Variants in SEMA6D observed in about 807,000 individuals in gnomAD.
The protein encoded by SEMA6D is semaphorin 6D, also known as semaphorin-6D.
In SEMA6D, 35 loss-of-function variants were observed where a neutral mutation model predicts 106.6. The ratio of observed to expected loss-of-function variants is 0.33; its 90% confidence interval spans 0.25 to 0.44. The LOEUF (loss-of-function observed/expected upper bound fraction) is 0.44, where lower values mean the gene tolerates loss of function less well. Ranked by LOEUF, SEMA6D falls within the 20% of genes least tolerant of loss-of-function variation. The pLI is 1.00. For synonymous variants in SEMA6D, 499 were observed against 487.7 expected (o/e 1.02, Z -0.31); for missense variants, 1,185 against 1,345.9 (o/e 0.88, Z 1.87).
intron 1 of SEMA6D, among the ~76,000 whole-genome samples, chr15:47,723,120 G>C (rs544061326): frequency 1.3e-5 from 2 of 152,166 alleles, no homozygotes; most frequent in East Asian, 1.9e-4. Context: ...CAATGAAAAA[G>C]TCATGTTTTG....
chr15:47,255,593 T>A (rs2033764539), intron 1 of SEMA6D, among the ~76,000 whole-genome samples: 1 of 152,132 alleles, frequency 6.6e-6, no homozygotes, highest in South Asian at 2.1e-4. Context: ...TTAGTCATCA[T>A]ATATGTGTGT....
At chr15:47,401,438 A>G (rs1197570828) in intron 1 of SEMA6D, among the ~76,000 whole-genome samples, 4 of 152,180 alleles carry the variant, frequency 2.6e-5, no homozygotes, top group African/African-American at 4.8e-5. Flanking sequence ...GCTCTTTAAA[A>G]TTATCTACAA....
At position 47,381,951 on chromosome 15, in the gene SEMA6D, C is replaced by G. The variant is rs566447580; in HGVS notation, c.-238-30442C>G. 3.3e-5 allele frequency among the ~76,000 whole-genome samples: 5 copies of G among 152,164 alleles called. No individual in the cohort carries two copies. The East Asian group carries it at 9.7e-4, about 30-fold the overall frequency. ...GATATGTTGAATATTTAGTCTGAGTCAGAGTCTGTATTGGGTTTAGGGAGG... is the reference window on the plus strand; with the variant it reads ...GATATGTTGAATATTTAGTCTGAGTGAGAGTCTGTATTGGGTTTAGGGAGG... On this transcript the variant is annotated intron_variant, in intron 1 of 19. Transcript: ENST00000558014.
intron 3 of SEMA6D, among the ~76,000 whole-genome samples, chr15:47,481,253 T>C (rs1037666724): frequency 5.9e-5 from 9 of 152,008 alleles, no homozygotes; most frequent in African/African-American, 1.9e-4. Context: ...AGCCACAAAC[T>C]CTCCCAGTTG....
Position 47,400,180 on chromosome 15 carries a change from C to T in SEMA6D, c.-238-12213C>T, listed in dbSNP as rs1036442194. 5.9e-5 allele frequency among the ~76,000 whole-genome samples: 9 copies of T among 152,136 alleles called. No individual in the cohort carries two copies. In the South Asian group the frequency reaches 1.2e-3, roughly 21 times the overall value. On this transcript the variant is annotated intron_variant, in intron 1 of 19. Coordinates refer to the SEMA6D transcript ENST00000558014. ...CAGAGCAGCAAAAGCTACTTCCCAG[C>T]GAACACACTGTAGAAATCCTTCCTG...
At chr15:47,768,402 G>C (rs1347787909) in intron 17 of SEMA6D, among the ~76,000 whole-genome samples, 179 bp from the exon 18 acceptor site, 1 of 151,914 alleles carries the variant, frequency 6.6e-6, no homozygotes, top group African/African-American at 2.4e-5. Flanking sequence ...TTAATTTTTA[G>C]TTTTCATTCT....
At chr15:47,596,362 G>A (rs57389656) in intron 3 of SEMA6D, among the ~76,000 whole-genome samples, 26,369 of 151,882 alleles carry the variant, frequency 0.17, 2,643 homozygotes, top group African/African-American at 0.26. Flanking sequence ...ACTACTCAAA[G>A]CAATATATAG....
intron 4 of SEMA6D, among the ~76,000 whole-genome samples, chr15:47,664,843 A>G (rs1299685523): frequency 6.6e-6 from 1 of 152,180 alleles, no homozygotes. Context: ...TCAACTCTGC[A>G]TGCAGTTCAT....
intron 1 of SEMA6D, among the ~76,000 whole-genome samples, chr15:47,189,754 C>G (rs1238794279): frequency 6.6e-6 from 1 of 152,170 alleles, no homozygotes; most frequent in Non-Finnish European, 1.5e-5. Context: ...CTGAAACGAA[C>G]TATCAAACAG....
intron 4 of SEMA6D, among the ~76,000 whole-genome samples, chr15:47,669,624 C>G (rs1367338977): frequency 6.6e-6 from 1 of 152,198 alleles, no homozygotes; most frequent in African/African-American, 2.4e-5. Context: ...ATTTCACTTT[C>G]AAAAGATGAC....
intron 3 of SEMA6D, among the ~76,000 whole-genome samples, chr15:47,578,990 G>A (rs1413224644): frequency 1.3e-5 from 2 of 152,146 alleles, no homozygotes; most frequent in African/African-American, 2.4e-5. Context: ...TATTCTCCCT[G>A]TTGTGTTTTG....
rs866772704 is a variant in SEMA6D at position 47,494,616 on chromosome 15, C to T, written c.-87+24071C>T. On this transcript the variant is annotated intron_variant, in intron 3 of 19. Coordinates refer to the SEMA6D transcript ENST00000558014. ...TGAATAGTTATTATAATGTATTTAG[C>T]ATGATGAACAGTTGCTGAAGGATTT... 2.0e-5 allele frequency among the ~76,000 whole-genome samples: 3 copies of T among 150,474 alleles called. No homozygotes were observed. The South Asian group carries it at 6.3e-4, about 32-fold the overall frequency.
intron 4 of SEMA6D, among the ~76,000 whole-genome samples, chr15:47,614,180 A>G (rs1356216336): frequency 6.6e-5 from 10 of 152,210 alleles, no homozygotes; most frequent in Non-Finnish European, 1.3e-4. Context: ...GGTGAAAAAA[A>G]GAAACACACA....
chr15:47,537,102 G>C (rs960365591), intron 3 of SEMA6D, among the ~76,000 whole-genome samples: 3 of 152,118 alleles, frequency 2.0e-5, no homozygotes, highest in African/African-American at 7.2e-5. Flanking sequence ...AGGAAATACT[G>C]GTTATGACAA....
At chr15:47,440,991 T>TC (rs2041865113) in intron 2 of SEMA6D, among the ~76,000 whole-genome samples, 1 of 152,224 alleles carries the variant, frequency 6.6e-6, no homozygotes, top group South Asian at 2.1e-4. Flanking sequence ...TGTAACTTGC[T>TC]CCTTCTTCCT....
In SEMA6D at chr15:47,763,069, C is replaced by T. The variant is rs772001338; in HGVS notation, c.712C>T (p.Arg238Ter). Reference sequence around the variant, plus strand: ...TGGAAACTATGTCTATTTCTTCTTTCGAGAAATCGCTGTCGAACATAATAA... The same window carrying T: ...TGGAAACTATGTCTATTTCTTCTTTTGAGAAATCGCTGTCGAACATAATAA... Reference protein sequence around the residue: ...EYGNYVYFFFREIAVEHNNLG... With the variant: ...EYGNYVYFFF The change falls in exon 9 of 19, where the codon CGA (arginine) becomes TGA (stop). Residue 238 changes from arginine (R) to a stop codon, truncating the protein, a stop_gained. Transcript: ENST00000536845. LOFTEE classifies it high-confidence loss of function. The T allele has an allele frequency of 3.7e-6, 6 of 1,612,120 alleles. No individual in the cohort carries two copies. Among genetic ancestry groups the T allele is most frequent in the Non-Finnish European group, 5.1e-6 (6 of 1,179,094 alleles).
chr15:47,507,074 T>A (rs1035253238), intron 3 of SEMA6D, among the ~76,000 whole-genome samples: 2 of 152,148 alleles, frequency 1.3e-5, no homozygotes, highest in African/African-American at 4.8e-5. Context: ...GTTGTTTTCA[T>A]CTCTTGGAGC....
intron 3 of SEMA6D, among the ~76,000 whole-genome samples, chr15:47,478,176 G>A (rs1274385015): frequency 6.6e-6 from 1 of 152,134 alleles, no homozygotes; most frequent in East Asian, 1.9e-4. Flanking sequence ...GTAGAAAACA[G>A]TTAGCCTATT....
chr15:47,350,429 G>A (rs550258631), intron 1 of SEMA6D, among the ~76,000 whole-genome samples: 4 of 152,142 alleles, frequency 2.6e-5, no homozygotes, highest in East Asian at 1.9e-4. Context: ...CTGTTAGCAG[G>A]GGCTTATTTT....
Sources: allele counts gnomAD v4.1 joint callset (sites outside exome capture counted in the v4.1 genomes callset), GRCh38; gene constraint gnomAD v4.1.1; transcripts MANE v1.5; gene names NCBI Gene and HGNC (gene_info 2026-07-23, HGNC 2026-07-21).